The following MLLT10 variants were observed in gnomAD, a reference collection of about 807,000 sequenced individuals.
The protein encoded by MLLT10 is MLLT10 histone lysine methyltransferase DOT1L cofactor.
MLLT10 carries 30 observed loss-of-function variants against 129.1 expected under a neutral mutation model. The ratio of observed to expected loss-of-function variants is 0.23; its 90% CI spans 0.17 to 0.32. The LOEUF (loss-of-function observed/expected upper bound fraction) is 0.32. Ranked by LOEUF, MLLT10 falls within the 10% of genes least tolerant of loss-of-function variation. MLLT10 has a pLI of 1.00. For missense variants in MLLT10, 1,119 were observed against 1,268.3 expected, an observed-to-expected ratio of 0.88 and a Z score of 1.79; for synonymous variants, 490 against 446.4, an observed-to-expected ratio of 1.10 and a Z score of -1.23.
chr10:21,671,300 A>G (rs2051375363), intron 10 of MLLT10, among the ~76,000 whole-genome samples: 1 of 152,172 alleles, frequency 6.6e-6, no homozygotes, highest in South Asian at 2.1e-4. Flanking sequence ...TACAGGTGTG[A>G]GATACTGTTC....
At chr10:21,686,625 T>G (rs2053318140) in intron 13 of MLLT10, among the ~76,000 whole-genome samples, 1 of 152,162 alleles carries the variant, frequency 6.6e-6, no homozygotes, top group African/African-American at 2.4e-5. Context: ...CCTAAGATCC[T>G]CTCTGAGAAA....
At chr10:21,535,716 C>G (rs994679294) in intron 2 of MLLT10, among the ~76,000 whole-genome samples, 1 of 152,180 alleles carries the variant, frequency 6.6e-6, no homozygotes, top group South Asian at 2.1e-4. Flanking sequence ...GCTCCATGTC[C>G]CTTCGCATTT....
chr10:21,671,057 G>A (rs771062639), intron 10 of MLLT10: 5 of 182,646 alleles, frequency 2.7e-5, no homozygotes, highest in Middle Eastern at 5.3e-3. Flanking sequence ...ACGGAATCTC[G>A]CTCTGTTGCC....
chr10:21,711,546 A>AC (rs2056088479), intron 13 of MLLT10, among the ~76,000 whole-genome samples: 1 of 138,856 alleles, frequency 7.2e-6, no homozygotes, highest in Non-Finnish European at 1.5e-5. Flanking sequence ...GCATAGTGAG[A>AC]CCCCATCTCT....
chr10:21,724,567 A>G (rs1163689524), intron 14 of MLLT10, among the ~76,000 whole-genome samples: 1 of 152,242 alleles, frequency 6.6e-6, no homozygotes, highest in Non-Finnish European at 1.5e-5. Flanking sequence ...TTTAGTTTAT[A>G]AAAGCTTCAG....
intron 9 of MLLT10, among the ~76,000 whole-genome samples, chr10:21,665,429 C>A (rs993670059): frequency 6.6e-6 from 1 of 151,510 alleles, no homozygotes; most frequent in African/African-American, 2.4e-5. Context: ...GCTGGGATTA[C>A]AGGTATGTGC....
intron 13 of MLLT10, among the ~76,000 whole-genome samples, chr10:21,685,219 A>G (rs895580174): frequency 3.9e-5 from 6 of 152,224 alleles, no homozygotes; most frequent in African/African-American, 1.4e-4. Context: ...TTCATCATTT[A>G]TTCTAGCAAC....
chr10:21,704,351 C>CTA (rs1350313308), intron 13 of MLLT10, among the ~76,000 whole-genome samples: 1 of 62,230 alleles, frequency 1.6e-5, no homozygotes, highest in African/African-American at 5.6e-5. Flanking sequence ...CTCTCTCTCT[C>CTA]TCTCTCTATA....
intron 3 of MLLT10, among the ~76,000 whole-genome samples, chr10:21,569,989 A>G (rs2040027530): frequency 6.6e-6 from 1 of 151,946 alleles, no homozygotes; most frequent in South Asian, 2.1e-4. Flanking sequence ...GGCTCATTGC[A>G]ATCTCTGCCT....
intron 21 of MLLT10, among the ~76,000 whole-genome samples, chr10:21,735,702 G>C (rs1415968218): frequency 2.6e-5 from 4 of 152,152 alleles, no homozygotes; most frequent in Non-Finnish European, 5.9e-5. Flanking sequence ...TTTGTGACTT[G>C]AGGGAACGCA....
intron 9 of MLLT10, among the ~76,000 whole-genome samples, chr10:21,666,688 A>G (rs982821970): frequency 3.9e-5 from 6 of 152,078 alleles, no homozygotes; most frequent in African/African-American, 1.4e-4. Context: ...TAAAAAAGTA[A>G]AATAATGGAA....
chr10:21,638,641 A>G (rs2047688731), intron 8 of MLLT10, among the ~76,000 whole-genome samples: 1 of 152,164 alleles, frequency 6.6e-6, no homozygotes, highest in African/African-American at 2.4e-5. Flanking sequence ...CAGGAGCGTG[A>G]GACCCCATCA....
chr10:21,628,685 C>T (rs375217087), intron 8 of MLLT10, among the ~76,000 whole-genome samples: 3 of 151,208 alleles, frequency 2.0e-5, no homozygotes, highest in African/African-American at 7.3e-5. Context: ...AGGTGATCTG[C>T]CTGCCTTGGC....
rs184804869 is a variant in MLLT10 at position 21,734,247 on chromosome 10, A to G, written c.2858+118A>G. Reference sequence around the variant, plus strand: ...TAGATACACCTTAAGAAGTCTGCCAAAAATTTTAAGTATATTATACAGAGT... The same window carrying G: ...TAGATACACCTTAAGAAGTCTGCCAGAAATTTTAAGTATATTATACAGAGT... On this transcript the variant is annotated intron_variant, in intron 20 of 22. Transcript: ENST00000307729. The G allele has an allele frequency of 3.4e-4, 411 of 1,214,386 alleles. 1 individual carries two copies. Among genetic ancestry groups the G allele is most frequent in the African/African-American group, 4.0e-4 (26 of 65,526 alleles). The allele number at this position is 1,214,386 out of a possible 1,614,324, so 75.2% of individuals were successfully genotyped here.
intron 3 of MLLT10, among the ~76,000 whole-genome samples, chr10:21,583,872 A>AT (rs753865899): frequency 0.018 from 2,617 of 144,848 alleles, 51 homozygotes; most frequent in African/African-American, 0.051. Flanking sequence ...AATAGGCTCA[A>AT]TTTTTTTTTT....
At chr10:21,556,738 C>A (rs2038056261) in intron 3 of MLLT10, 1 of 1,611,536 alleles carries the variant, frequency 6.2e-7, no homozygotes, top group Non-Finnish European at 8.5e-7. Context: ...ACCCCCGATG[C>A]CTGGTGTCTA....
chr10:21,579,915 C>T (rs1443770087), intron 3 of MLLT10, among the ~76,000 whole-genome samples: 1 of 151,972 alleles, frequency 6.6e-6, no homozygotes, highest in East Asian at 1.9e-4. Context: ...ACTCTTTTGT[C>T]ATCTCAGATT....
chr10:21,741,017 A>G (rs1489661926), intron 22 of MLLT10, among the ~76,000 whole-genome samples: 1 of 152,202 alleles, frequency 6.6e-6, no homozygotes, highest in Non-Finnish European at 1.5e-5. Flanking sequence ...TGAGTGTTCA[A>G]AGTTGCAGTG....
chr10:21,643,075 C>G (rs1418731724), intron 8 of MLLT10, among the ~76,000 whole-genome samples: 1 of 152,056 alleles, frequency 6.6e-6, no homozygotes, highest in Non-Finnish European at 1.5e-5. Context: ...CTCTGTCACC[C>G]AGGCTGGAGT....
Sources: allele counts gnomAD v4.1 joint callset (sites outside exome capture counted in the v4.1 genomes callset), GRCh38; gene constraint gnomAD v4.1.1; transcripts MANE v1.5; gene names NCBI Gene and HGNC (gene_info 2026-07-23, HGNC 2026-07-21).